SPOCK1: variants seen among roughly 807,000 people sequenced by gnomAD.
SPOCK1 encodes the protein SPARC (osteonectin), cwcv and kazal like domains proteoglycan 1.
Under a neutral mutation model 55.3 loss-of-function variants are expected in SPOCK1, and 23 were observed. That is an observed-to-expected ratio of 0.42 (90% CI 0.30 to 0.59). The LOEUF is 0.59. SPOCK1 is among the 20% of genes least tolerant of loss of function. The probability of loss-of-function intolerance (pLI) is 0.22; values close to 1 mark genes in which losing one functional copy is unlikely to be tolerated. For missense variants in SPOCK1, 499 were observed against 552.5 expected (o/e 0.90, Z 0.97); for synonymous variants, 226 against 221.0 (o/e 1.02, Z -0.20).
intron 8 of SPOCK1, among the ~76,000 whole-genome samples, chr5:136,986,185 G>A (rs1750837537): frequency 6.6e-6 from 1 of 152,080 alleles, no homozygotes; most frequent in South Asian, 2.1e-4. Flanking sequence ...ATTTCATCTG[G>A]ATTATAAAAG....
intron 2 of SPOCK1, among the ~76,000 whole-genome samples, chr5:137,455,705 T>G (rs553138759): frequency 2.0e-5 from 3 of 152,260 alleles, no homozygotes; most frequent in Admixed American, 6.5e-5. Context: ...CATTCCTTCC[T>G]GTCAGCCACC....
At chr5:137,367,744 T>G (rs369338068) in intron 2 of SPOCK1, among the ~76,000 whole-genome samples, 1 of 152,226 alleles carries the variant, frequency 6.6e-6, no homozygotes, top group African/African-American at 2.4e-5. Context: ...CTGATGCCTC[T>G]TCTCTTTCAC....
chr5:137,288,059 A>C (rs1485820908), intron 2 of SPOCK1, among the ~76,000 whole-genome samples: 1 of 152,214 alleles, frequency 6.6e-6, no homozygotes, highest in East Asian at 1.9e-4. Flanking sequence ...GTGAGCTGTA[A>C]CAGTTCCAGA....
chr5:137,040,233 A>T (rs1408300797), intron 6 of SPOCK1, among the ~76,000 whole-genome samples: 2 of 152,226 alleles, frequency 1.3e-5, no homozygotes, highest in African/African-American at 4.8e-5. Flanking sequence ...CAATCCGAAG[A>T]GGTGGGAAGG....
At chr5:136,983,300 G>A (rs1362559168) in intron 9 of SPOCK1, among the ~76,000 whole-genome samples, 1 of 152,136 alleles carries the variant, frequency 6.6e-6, no homozygotes, top group South Asian at 2.1e-4. Context: ...AGACCCAGGT[G>A]ACTCTAGGGT....
At chr5:137,123,892 A>G (rs1389072590) in intron 4 of SPOCK1, among the ~76,000 whole-genome samples, 7 of 152,186 alleles carry the variant, frequency 4.6e-5, no homozygotes, top group African/African-American at 1.7e-4. Context: ...ATGGAATCAA[A>G]GAATCAAGGG....
At chr5:137,102,092 A>T (rs1189219693) in intron 5 of SPOCK1, among the ~76,000 whole-genome samples, 1 of 152,216 alleles carries the variant, frequency 6.6e-6, no homozygotes, top group Non-Finnish European at 1.5e-5. Flanking sequence ...ACTGGGTGGT[A>T]TACTACTTAT....
At chr5:137,421,963 T>A (rs1752509064) in intron 2 of SPOCK1, among the ~76,000 whole-genome samples, 1 of 152,228 alleles carries the variant, frequency 6.6e-6, no homozygotes, top group Non-Finnish European at 1.5e-5. Flanking sequence ...GTTTAGTGCT[T>A]CCTTCAGGAG....
At chr5:137,242,493 C>T (rs1468122166) in intron 3 of SPOCK1, among the ~76,000 whole-genome samples, 1 of 152,210 alleles carries the variant, frequency 6.6e-6, no homozygotes, top group Non-Finnish European at 1.5e-5. Context: ...GTCCATTAAA[C>T]CTCTTTTTCT....
At chr5:137,091,027 G>T (rs964112631) in intron 5 of SPOCK1, among the ~76,000 whole-genome samples, 3 of 152,178 alleles carry the variant, frequency 2.0e-5, no homozygotes, top group African/African-American at 7.2e-5. Flanking sequence ...GGGGCCACAG[G>T]ATCCTCTGTG....
intron 3 of SPOCK1, among the ~76,000 whole-genome samples, chr5:137,258,979 A>T (rs1214519035): frequency 6.6e-6 from 1 of 152,184 alleles, no homozygotes; most frequent in East Asian, 1.9e-4. Context: ...CCCAGCACTC[A>T]GTGAGGAAAT....
intron 2 of SPOCK1, among the ~76,000 whole-genome samples, chr5:137,449,950 T>C (rs1461408674): frequency 1.4e-5 from 1 of 69,570 alleles, no homozygotes; most frequent in East Asian, 4.0e-4. Context: ...GGAAACAAAA[T>C]AAAAGGTAAA....
intron 5 of SPOCK1, among the ~76,000 whole-genome samples, chr5:137,099,910 C>T (rs183963223): frequency 2.4e-4 from 37 of 152,268 alleles, no homozygotes; most frequent in African/African-American, 8.2e-4. Context: ...CCCCACCCCC[C>T]GGAGTCATGG....
rs375397822 is a variant in SPOCK1, at chr5:137,479,221, G to A, written c.186+19152C>T. ...TCTGTCCCGTGACTAACGGAACAGA[G>A]AAAAGGAAATTCAAGAAGTCTAGCC... On this transcript the variant is annotated intron_variant, in intron 2 of 10. Transcript: ENST00000394945. Among the ~76,000 whole-genome samples, 17 of 152,248 alleles carry A rather than the reference G, an allele frequency of 1.1e-4. No individual in the cohort carries two copies. The South Asian group carries it at 1.5e-3, about 13-fold the overall frequency.
Position 137,140,694 on chromosome 5 carries a change from G to A in SPOCK1, c.233C>T (p.Ala78Val), listed in dbSNP as rs867554011. Reference sequence around the variant, plus strand: ...GCAGGGGTCCTTGGATGGGTCCAGGGCTGAGGCAAAAACAAGAAGGAGGGC... The same window carrying A: ...GCAGGGGTCCTTGGATGGGTCCAGGACTGAGGCAAAAACAAGAAGGAGGGC... Reference protein sequence around the residue: ...NWNPNKPFDQALDPSKDPCLK... With the variant: ...NWNPNKPFDQVLDPSKDPCLK... Residue 78 changes from alanine to valine, a missense_variant and splice_region_variant, in exon 4 of 11, where the codon GCC becomes GTC. Physicochemically the swap from Ala to Val is moderately conservative, Grantham distance 64. Around this residue, in one of 3 missense-constraint regions of SPOCK1, gnomAD observed 386 missense variants for 400.6 expected, o/e 0.96. Transcript: ENST00000394945. 6.3e-7 allele frequency: 1 copy of A among 1,587,662 alleles called. No homozygotes were observed. The highest frequency in any genetic ancestry group is 1.2e-5 in the South Asian group (1 of 86,884).
chr5:137,285,266 A>G (rs1757239798), intron 2 of SPOCK1, among the ~76,000 whole-genome samples: 1 of 152,230 alleles, frequency 6.6e-6, no homozygotes, highest in African/African-American at 2.4e-5. Flanking sequence ...ACCTGATGAC[A>G]GAACTGGAGA....
At chr5:137,216,458 C>T (rs1037204263) in intron 3 of SPOCK1, among the ~76,000 whole-genome samples, 1 of 152,292 alleles carries the variant, frequency 6.6e-6, no homozygotes, top group Admixed American at 6.5e-5. Context: ...TGCCTGTAAT[C>T]CCGGCACTTT....
intron 6 of SPOCK1, among the ~76,000 whole-genome samples, chr5:137,051,435 A>G (rs1433810481): frequency 6.6e-6 from 1 of 152,226 alleles, no homozygotes; most frequent in East Asian, 1.9e-4. Flanking sequence ...CTTATGCATC[A>G]AACATGAAAA....
Position 137,333,660 on chromosome 5 carries a change from A to G in SPOCK1, c.187-66605T>C, listed in dbSNP as rs113386005. On this transcript the variant is annotated intron_variant, in intron 2 of 10. Transcript: ENST00000394945. ...GAGATCCTTCAGAATTCAAGTGCTC[A>G]GGCACTGGTACTTGGCAAGGATGTG... Among the ~76,000 whole-genome samples, 808 of 152,382 alleles carry G rather than the reference A, an allele frequency of 5.3e-3. 6 individuals carry two copies. The highest frequency in any genetic ancestry group is 6.7e-3 in the Non-Finnish European group (458 of 68,040).
Sources: allele counts gnomAD v4.1 joint callset (sites outside exome capture counted in the v4.1 genomes callset), GRCh38; gene constraint gnomAD v4.1.1; regional missense constraint gnomAD v4.1.1; transcripts MANE v1.5; gene names NCBI Gene and HGNC (gene_info 2026-07-23, HGNC 2026-07-21).